LPP: variants seen among roughly 807,000 people sequenced by gnomAD.
LPP encodes LIM domain containing preferred translocation partner in lipoma, also known as lipoma-preferred partner.
Under a neutral mutation model 60.4 loss-of-function variants are expected in LPP, and 38 were observed. That is an observed-to-expected ratio of 0.63 (90% CI 0.49 to 0.83). LPP has a LOEUF of 0.83. LPP is among the 40% of genes least tolerant of loss of function. The probability of loss-of-function intolerance (pLI) is 0.00; values close to 1 mark genes in which losing one functional copy is unlikely to be tolerated. For missense variants in LPP, 902 were observed against 783.6 expected, an observed-to-expected ratio of 1.15 and a Z score of -1.80; for synonymous variants, 328 against 290.8, an observed-to-expected ratio of 1.13 and a Z score of -1.30.
At chr3:188,729,916 A>G (rs9857993) in intron 8 of LPP, among the ~76,000 whole-genome samples, 33,864 of 151,876 alleles carry the variant, frequency 0.22, 4,750 homozygotes, top group Middle Eastern at 0.46. Context: ...AAGTTCAGGA[A>G]TTTTTGGTGG....
intron 4 of LPP, among the ~76,000 whole-genome samples, chr3:188,416,103 T>TAA (rs5855195): frequency 1.2e-4 from 18 of 151,164 alleles, no homozygotes; most frequent in African/African-American, 1.9e-4. Flanking sequence ...AGTCCATATT[T>TAA]AAAAAAAAAT....
Position 188,723,847 on chromosome 3 carries a change from CAT to C in LPP, c.1240+15455_1240+15456del, listed in dbSNP as rs1350317172. ...TAACTCTTATGATCTTTATTTTCCT[CAT>C]GTGTGTTTATATATTTTCTATTTTA... On this transcript the variant is annotated intron_variant, in intron 8 of 11. Transcript: ENST00000617246. Among the ~76,000 whole-genome samples, 6 of 152,120 alleles carry C rather than the reference CAT, an allele frequency of 3.9e-5. No homozygotes were observed. In the South Asian group the frequency reaches 1.2e-3, roughly 32 times the overall value.
chr3:188,507,109 T>C (rs186652473), intron 5 of LPP, among the ~76,000 whole-genome samples: 1 of 152,200 alleles, frequency 6.6e-6, no homozygotes, highest in African/African-American at 2.4e-5. Flanking sequence ...TAACCTTTAT[T>C]TTATTGCGAG....
In LPP at chr3:188,182,332, G is replaced by C. The variant is rs1725254543; in HGVS notation, c.-190+28080G>C. 6.6e-6 allele frequency among the ~76,000 whole-genome samples: 1 copy of C among 152,202 alleles called. No individual in the cohort carries two copies. Among genetic ancestry groups the C allele is most frequent in the African/African-American group, 2.4e-5 (1 of 41,424 alleles). On this transcript the variant is annotated intron_variant, in intron 1 of 11. Coordinates refer to ENST00000617246, the MANE Select transcript of LPP (RefSeq NM_001375462.1). The surrounding 1 kb of genome is among the most constrained non-coding windows in gnomAD (Gnocchi z 4.4). ...TGTCTTTAGGTGTTGCTGAAAGTTT[G>C]AGAAGCATTACTGTAGAGCTCACCT...
chr3:188,858,093 T>C (rs1764266963), intron 9 of LPP, among the ~76,000 whole-genome samples: 1 of 152,302 alleles, frequency 6.6e-6, no homozygotes, highest in African/African-American at 2.4e-5. Context: ...CGAACCCAGA[T>C]CACCTTTTTC....
chr3:188,407,790 T>TTTTTTTTTTTTTTTTTTTTG (rs1560364521), intron 4 of LPP, among the ~76,000 whole-genome samples: 3 of 76,322 alleles, frequency 3.9e-5, no homozygotes, highest in Admixed American at 1.6e-4. Flanking sequence ...GTTTGTTTGT[T>TTTTTTTTTTTTTTTTTTTTG]TTTTTTTTTT....
chr3:188,623,779 G>GAGC (rs1196189204), intron 7 of LPP, among the ~76,000 whole-genome samples: 18 of 152,294 alleles, frequency 1.2e-4, no homozygotes, highest in African/African-American at 3.4e-4. Flanking sequence ...CTTTTATCTT[G>GAGC]AGCAGGACAT....
chr3:188,633,555 G>A (rs552321713), intron 7 of LPP, among the ~76,000 whole-genome samples: 16 of 152,200 alleles, frequency 1.1e-4, no homozygotes, highest in African/African-American at 2.9e-4. Flanking sequence ...GAATGAACAC[G>A]CTCATCTTTT....
intron 5 of LPP, among the ~76,000 whole-genome samples, chr3:188,500,587 G>A (rs533051764): frequency 6.6e-6 from 1 of 152,164 alleles, no homozygotes; most frequent in African/African-American, 2.4e-5. Flanking sequence ...GTTAGGAAGT[G>A]TTTCCTTCTT....
At chr3:188,841,428 T>A (rs1759985512) in intron 9 of LPP, among the ~76,000 whole-genome samples, 1 of 135,254 alleles carries the variant, frequency 7.4e-6, no homozygotes, top group Non-Finnish European at 1.5e-5. Context: ...AGTCACGCTC[T>A]GTCACCAAGC....
intron 2 of LPP, among the ~76,000 whole-genome samples, chr3:188,308,695 A>G (rs1015853264): frequency 2.0e-5 from 3 of 152,146 alleles, no homozygotes; most frequent in Non-Finnish European, 2.9e-5. Context: ...AACAAACAAA[A>G]TCCAGGGTGC....
At chr3:188,625,410 T>G (rs1360220729) in intron 7 of LPP, among the ~76,000 whole-genome samples, 1 of 152,098 alleles carries the variant, frequency 6.6e-6, no homozygotes, top group African/African-American at 2.4e-5. Context: ...TTTGATAAAA[T>G]AACAGTAAAA....
chr3:188,753,862 C>T (rs1201105519), intron 8 of LPP, among the ~76,000 whole-genome samples: 1 of 151,988 alleles, frequency 6.6e-6, no homozygotes, highest in Non-Finnish European at 1.5e-5. Context: ...CCACTAGCCA[C>T]GTACCTGTTG....
chr3:188,422,190 TG>T (rs1787988173), intron 4 of LPP, among the ~76,000 whole-genome samples: 1 of 152,202 alleles, frequency 6.6e-6, no homozygotes, highest in Non-Finnish European at 1.5e-5. Context: ...TCCCAGGTTG[TG>T]CCAACATTAT....
At chr3:188,666,314 C>T (rs981086049) in intron 7 of LPP, among the ~76,000 whole-genome samples, 3 of 152,150 alleles carry the variant, frequency 2.0e-5, no homozygotes, top group Admixed American at 1.3e-4. Flanking sequence ...TAGCCAGTGA[C>T]GCTCTATAGT....
rs986127117 is a variant in LPP, at chr3:188,295,290, T to G, written c.-66-46373T>G. 7.2e-5 allele frequency among the ~76,000 whole-genome samples: 11 copies of G among 152,282 alleles called. No homozygotes were observed. The East Asian group carries it at 2.1e-3, about 29-fold the overall frequency. ...TGACTCACTTCTCTGAGCAGCTCATTCCCCATGCACGGTTAGAGTTACTAG... is the reference window on the plus strand; with the variant it reads ...TGACTCACTTCTCTGAGCAGCTCATGCCCCATGCACGGTTAGAGTTACTAG... On this transcript the variant is annotated intron_variant, in intron 2 of 11. Coordinates refer to ENST00000617246, the MANE Select transcript of LPP (RefSeq NM_001375462.1).
chr3:188,245,011 C>T (rs1004809322), intron 2 of LPP, among the ~76,000 whole-genome samples: 14 of 152,074 alleles, frequency 9.2e-5, no homozygotes, highest in African/African-American at 3.4e-4. Context: ...ATTCTTGGTC[C>T]GTTGTTAGTG....
intron 9 of LPP, among the ~76,000 whole-genome samples, chr3:188,761,723 C>T (rs1333725150): frequency 6.6e-6 from 1 of 152,136 alleles, no homozygotes; most frequent in African/African-American, 2.4e-5. Context: ...AAGTAATGTA[C>T]TGTTGATCTG....
chr3:188,612,871 GT>G (rs1844012382), intron 7 of LPP, among the ~76,000 whole-genome samples: 1 of 151,726 alleles, frequency 6.6e-6, no homozygotes, highest in East Asian at 1.9e-4. Context: ...ATATGATATA[GT>G]AAAAAAGAGG....
Sources: gnomAD v4.1 joint callset for allele counts (sites outside exome capture counted in the v4.1 genomes callset) on GRCh38, gnomAD v4.1.1 for gene constraint, Gnocchi (gnomAD v3.1) non-coding constraint, MANE v1.5 for transcripts, NCBI Gene and HGNC (gene_info 2026-07-23, HGNC 2026-07-21) for gene names.